Variants in VWC2L observed in about 807,000 individuals in gnomAD.
VWC2L encodes von Willebrand factor C domain-containing protein 2-like.
Under a neutral mutation model 21.6 loss-of-function variants are expected in VWC2L, and 10 were observed. The ratio of observed to expected loss-of-function variants is 0.46; its 90% confidence interval spans 0.29 to 0.78. The LOEUF (loss-of-function observed/expected upper bound fraction) is 0.78. VWC2L is among the 30% of genes least tolerant of loss of function. The pLI is 0.10. For missense variants in VWC2L, 209 were observed against 277.1 expected, an observed-to-expected ratio of 0.75 and a Z score of 1.74; for synonymous variants, 96 against 94.3, an observed-to-expected ratio of 1.02 and a Z score of -0.10.
At chr2:214,461,425 C>T (rs1703138574) in intron 3 of VWC2L, among the ~76,000 whole-genome samples, 1 of 152,178 alleles carries the variant, frequency 6.6e-6, no homozygotes, top group South Asian at 2.1e-4. Context: ...GGCCAGTCCT[C>T]AGGCCCCCAA....
At chr2:214,463,627 T>C (rs1703173921) in intron 3 of VWC2L, among the ~76,000 whole-genome samples, 1 of 152,156 alleles carries the variant, frequency 6.6e-6, no homozygotes, top group African/African-American at 2.4e-5. Flanking sequence ...TCATTCTTTT[T>C]CATTTTAAAA....
At chr2:214,417,578 G>C (rs1186663848) in intron 2 of VWC2L, among the ~76,000 whole-genome samples, 2 of 152,118 alleles carry the variant, frequency 1.3e-5, no homozygotes. Context: ...AGCAAAATCA[G>C]AGATTGGGAT....
At chr2:214,421,047 C>A (rs1007389320) in intron 2 of VWC2L, among the ~76,000 whole-genome samples, 1 of 152,076 alleles carries the variant, frequency 6.6e-6, no homozygotes, top group Admixed American at 6.6e-5. Context: ...AACTGGGGAA[C>A]CTTTACGTAA....
At chr2:214,533,432 C>T (rs1234773974) in intron 3 of VWC2L, among the ~76,000 whole-genome samples, 2 of 151,986 alleles carry the variant, frequency 1.3e-5, no homozygotes, top group Non-Finnish European at 2.9e-5. Context: ...GTCTCTACCC[C>T]TGGGCTTTGC....
At chr2:214,475,618 G>A (rs573843751) in intron 3 of VWC2L, among the ~76,000 whole-genome samples, 1 of 152,122 alleles carries the variant, frequency 6.6e-6, no homozygotes, top group East Asian at 1.9e-4. Context: ...TGCAATGGAG[G>A]CACCATTCTG....
At chr2:214,536,492 G>A (rs1689530908) in intron 3 of VWC2L, among the ~76,000 whole-genome samples, 1 of 151,962 alleles carries the variant, frequency 6.6e-6, no homozygotes, top group Non-Finnish European at 1.5e-5. Flanking sequence ...TGGTACTTGG[G>A]CTACATCAAG....
At chr2:214,421,533 T>C (rs1702439747) in intron 2 of VWC2L, among the ~76,000 whole-genome samples, 1 of 152,152 alleles carries the variant, frequency 6.6e-6, no homozygotes, top group East Asian at 1.9e-4. Context: ...CTACCGAGAT[T>C]TGTGACTGGG....
chr2:214,412,834 G>A (rs1042784384), intron 1 of VWC2L, among the ~76,000 whole-genome samples: 1 of 152,046 alleles, frequency 6.6e-6, no homozygotes, highest in Non-Finnish European at 1.5e-5. Flanking sequence ...ATAAACCAAT[G>A]TATAACATTT....
At chr2:214,502,989 G>A (rs189075222) in intron 3 of VWC2L, among the ~76,000 whole-genome samples, 5 of 152,264 alleles carry the variant, frequency 3.3e-5, no homozygotes, top group African/African-American at 1.2e-4. Context: ...TAAATAAGAC[G>A]GGAATGCTTA....
chr2:214,512,025 T>C (rs1211793456), intron 3 of VWC2L, among the ~76,000 whole-genome samples: 1 of 151,924 alleles, frequency 6.6e-6, no homozygotes, highest in East Asian at 1.9e-4. Flanking sequence ...TTTTGAGACA[T>C]ATTATTTACA....
At chr2:214,537,570 T>C (rs1689555515) in intron 3 of VWC2L, among the ~76,000 whole-genome samples, 1 of 151,462 alleles carries the variant, frequency 6.6e-6, no homozygotes, top group Non-Finnish European at 1.5e-5. Flanking sequence ...ATGAGAGAAA[T>C]GAGGAGATGT....
At chr2:214,532,448 A>C (rs749891288) in intron 3 of VWC2L, among the ~76,000 whole-genome samples, 28 of 152,166 alleles carry the variant, frequency 1.8e-4, no homozygotes, top group African/African-American at 2.2e-4. Context: ...TTACATGAGT[A>C]GTCTTTCCAT....
intron 3 of VWC2L, among the ~76,000 whole-genome samples, chr2:214,449,866 C>G (rs1306151414): frequency 6.6e-6 from 1 of 152,156 alleles, no homozygotes; most frequent in Non-Finnish European, 1.5e-5. Context: ...AGCCCCGAGT[C>G]TTTCCTTCCT....
At chr2:214,428,577 A>G (rs1314287733) in intron 2 of VWC2L, among the ~76,000 whole-genome samples, 1 of 152,176 alleles carries the variant, frequency 6.6e-6, no homozygotes, top group East Asian at 1.9e-4. Flanking sequence ...CCATCTCAAT[A>G]TATTTTTGTG....
chr2:214,436,699 T>G lies in VWC2L; in HGVS notation c.461T>G (p.Val154Gly). ...CACTGTGTTGTAGCAGACTGCGCAG[T>G]TCCTGAGTGTGTCAACCCAGTCTAT... ...EVHCVVADCA[V>G]PECVNPVYEP... The change falls in exon 3 of 4, where the codon GTT becomes GGT. Residue 154 changes from valine to glycine, a missense_variant. Coordinates refer to ENST00000312504, the MANE Select transcript of VWC2L (RefSeq NM_001080500.4). 1 of 1,613,448 alleles carries G rather than the reference T, an allele frequency of 6.2e-7. No individual in the cohort carries two copies. The highest frequency in any genetic ancestry group is 8.5e-7 in the Non-Finnish European group (1 of 1,179,490).
intron 3 of VWC2L, among the ~76,000 whole-genome samples, chr2:214,527,303 A>G (rs895271134): frequency 6.6e-6 from 1 of 152,148 alleles, no homozygotes; most frequent in Non-Finnish European, 1.5e-5. Flanking sequence ...TATGCTCGCT[A>G]CCTGGTTGAC....
At chr2:214,468,793 T>C (rs55772494) in intron 3 of VWC2L, among the ~76,000 whole-genome samples, 10,742 of 152,156 alleles carry the variant, frequency 0.071, 1,212 homozygotes, top group African/African-American at 0.24. Context: ...AAACACAGCA[T>C]AGGTTTGCTG....
In VWC2L at chr2:214,417,252, T is replaced by C. The variant is rs1042347673; in HGVS notation, c.390+2669T>C. 3.3e-5 allele frequency among the ~76,000 whole-genome samples: 5 copies of C among 152,178 alleles called. No homozygotes were observed. The South Asian group carries it at 6.2e-4, about 19-fold the overall frequency. ...AGCATTTATCAGACCGTTCAGTAGA[T>C]AAGATACTGTAGACGTACTTACAAT... On this transcript the variant is annotated intron_variant, in intron 2 of 3. Coordinates refer to ENST00000312504, the MANE Select transcript of VWC2L (RefSeq NM_001080500.4).
intron 3 of VWC2L, among the ~76,000 whole-genome samples, chr2:214,470,942 A>G (rs906553224): frequency 1.3e-5 from 2 of 150,092 alleles, no homozygotes; most frequent in Admixed American, 6.6e-5. Flanking sequence ...AAAAAAAAAA[A>G]AGATAGGTGA....
Sources: allele counts gnomAD v4.1 joint callset (sites outside exome capture counted in the v4.1 genomes callset), GRCh38; gene constraint gnomAD v4.1.1; transcripts MANE v1.5; gene names NCBI Gene and HGNC (gene_info 2026-07-23, HGNC 2026-07-21).